The following NAA15 variants were observed in gnomAD, a reference collection of about 807,000 sequenced individuals.
NAA15 encodes the protein N-terminal acetyltransferase.
A neutral mutation model predicts 114.0 loss-of-function variants in NAA15; 34 were observed. The ratio of observed to expected loss-of-function variants is 0.30; its 90% CI spans 0.23 to 0.40. The LOEUF (loss-of-function observed/expected upper bound fraction) is 0.40. NAA15 is among the 10% of genes least tolerant of loss of function. NAA15 has a pLI of 1.00. For synonymous variants in NAA15, 340 were observed against 338.0 expected, an observed-to-expected ratio of 1.01 and a Z score of -0.06; for missense variants, 658 against 1,004.5, an observed-to-expected ratio of 0.66 and a Z score of 4.66.
chr4:139,341,593 CAAAAAAAAA>C (rs751688160), intron 4 of NAA15, among the ~76,000 whole-genome samples: 5 of 14,434 alleles, frequency 3.5e-4, no homozygotes, highest in East Asian at 2.4e-3. Flanking sequence ...AACTCTGTCT[CAAAAAAAAA>C]AAAAAAAAAA....
At chr4:139,304,547 C>G (rs1745943138) in intron 1 of NAA15, among the ~76,000 whole-genome samples, 1 of 152,168 alleles carries the variant, frequency 6.6e-6, no homozygotes, top group South Asian at 2.1e-4. Flanking sequence ...TGCATATAAC[C>G]TATGCGAATG....
At chr4:139,338,011 G>A (rs981743114) in intron 3 of NAA15, among the ~76,000 whole-genome samples, 1 of 152,168 alleles carries the variant, frequency 6.6e-6, no homozygotes, top group Admixed American at 6.5e-5. Flanking sequence ...ATTGTATAGT[G>A]TTCTGCCAAT....
chr4:139,387,103 A>C (rs184859158), intron 19 of NAA15, among the ~76,000 whole-genome samples: 1 of 152,346 alleles, frequency 6.6e-6, no homozygotes, highest in African/African-American at 2.4e-5. Flanking sequence ...CATTTAGATT[A>C]GAACCTGGAT....
chr4:139,374,923 A>G (rs1476218420), intron 15 of NAA15, among the ~76,000 whole-genome samples: 1 of 152,186 alleles, frequency 6.6e-6, no homozygotes, highest in Non-Finnish European at 1.5e-5. Context: ...CTAAATATAA[A>G]TACTTGTATT....
At chr4:139,321,456 G>C (rs1482505979) in intron 1 of NAA15, among the ~76,000 whole-genome samples, 1 of 149,154 alleles carries the variant, frequency 6.7e-6, no homozygotes, top group South Asian at 2.1e-4. Flanking sequence ...GAGCCACAGT[G>C]CCTGGCCCTT....
Position 139,344,261 on chromosome 4 carries a change from C to T in NAA15, c.613C>T (p.Leu205Phe), listed in dbSNP as rs200018547. Residue 205 changes from leucine to phenylalanine, a missense_variant, in exon 6 of 20, where the codon CTC becomes TTC. By Grantham distance (22) the Leu-to-Phe change is conservative. Transcript: ENST00000296543. ...GAATCAAGTTCTTCGGGAAGCAGGT[C>T]TCTATAGAGAAGCTTTGGAACATCT... Reference protein sequence around the residue: ...YQNQVLREAGLYREALEHLCT... With the variant: ...YQNQVLREAGFYREALEHLCT... The T allele has an allele frequency of 1.1e-4, 170 of 1,612,974 alleles. No homozygotes were observed. In the African/African-American group the frequency reaches 2.1e-3, roughly 19 times the overall value.
intron 14 of NAA15, 143 bp downstream of exon 14, chr4:139,362,080 A>C (rs1560974719): frequency 4.1e-6 from 2 of 486,832 alleles, no homozygotes. Context: ...AACAAAAGAA[A>C]AATGTTTACT....
chr4:139,351,604 A>G lies in NAA15; in HGVS notation c.1007A>G (p.Lys336Arg). The G allele has an allele frequency of 6.6e-7, 1 of 1,505,966 alleles. No homozygotes were observed. The highest frequency in any genetic ancestry group is 9.2e-7 in the Non-Finnish European group (1 of 1,084,578). 93.3% of individuals were successfully genotyped at this position (1,505,966 alleles called of 1,614,324 possible). The change falls in exon 9 of 20, where the codon AAA (lysine) becomes AGA (arginine). Residue 336 changes from lysine to arginine, a missense_variant. Lys to Arg is a conservative substitution (Grantham distance 26). Coordinates refer to ENST00000296543, the MANE Select transcript of NAA15 (RefSeq NM_057175.5). ...ACTTTAAGATCATTATACAAAGACA[A>G]AGAAAAGGTAAAGTGAAATATGATA... The part of the protein sequence containing the change: ...FNTLRSLYKD[K>R]EKVAIIEELV...
intron 8 of NAA15, 102 bp from the exon 9 acceptor site, chr4:139,351,403 A>G (rs762787385): frequency 2.9e-6 from 3 of 1,028,268 alleles, no homozygotes; most frequent in Middle Eastern, 2.2e-4. Flanking sequence ...AGAGTTGTCT[A>G]ACAACTCTGC....
At chr4:139,340,804 T>C in intron 3 of NAA15, 108 bp from the exon 4 acceptor site, 1 of 829,510 alleles carries the variant, frequency 1.2e-6, no homozygotes, top group Admixed American at 3.4e-5. Flanking sequence ...TCCCCTTCTT[T>C]TTAAGCTTGT....
Position 139,336,032 on chromosome 4 carries a change from T to G in NAA15, c.140-816T>G, listed in dbSNP as rs1369743367. On this transcript the variant is annotated intron_variant, in intron 2 of 19. Transcript: ENST00000296543. ...CCTTGGCCTCCTGAAGTCTTGAGAT[T>G]ACAGGTGTGAGGCACTGTGCCTGGC... 2.0e-5 allele frequency among the ~76,000 whole-genome samples: 3 copies of G among 152,192 alleles called. No homozygotes were observed. The East Asian group carries it at 5.8e-4, about 29-fold the overall frequency.
At chr4:139,382,965 CAAAATA>C (rs1748794253) in intron 17 of NAA15, among the ~76,000 whole-genome samples, 1 of 151,998 alleles carries the variant, frequency 6.6e-6, no homozygotes, top group Non-Finnish European at 1.5e-5. Context: ...CTCAAAAACC[CAAAATA>C]AAAATAGAAT....
chr4:139,322,817 G>A (rs954473883), intron 1 of NAA15, among the ~76,000 whole-genome samples: 9 of 151,946 alleles, frequency 5.9e-5, no homozygotes, highest in South Asian at 2.1e-4. Flanking sequence ...TTAGCCTCCC[G>A]AGTAGCTGGG....
Position 139,315,012 on chromosome 4 carries a change from TTAGGTTAGGTTAGGTTAGGTTAGGTTAGG to T in NAA15, c.54+13183_54+13211del, listed in dbSNP as rs1560952822. On this transcript the variant is annotated intron_variant, in intron 1 of 19. Coordinates refer to ENST00000296543, the MANE Select transcript of NAA15 (RefSeq NM_057175.5). ...TCAGTTCAGTTCAGTTTAGTTTAGG[TTAGGTTAGGTTAGGTTAGGTTAGGTTAGG>T]TTAGGTTAGGTTAGTTTAGTTTAGT... Among the ~76,000 whole-genome samples the T allele has an allele frequency of 4.1e-4, 43 of 106,128 alleles. 2 individuals carry two copies. The highest frequency in any genetic ancestry group is 1.3e-3 in the East Asian group (5 of 3,890). 69.6% of individuals were successfully genotyped at this position (106,128 alleles called of 152,430 possible). A position where few individuals can be genotyped will look rare whatever the true frequency, so the allele number is the denominator to read the frequency against.
intron 14 of NAA15, among the ~76,000 whole-genome samples, chr4:139,367,235 A>C (rs1748309149): frequency 6.6e-6 from 1 of 152,210 alleles, no homozygotes; most frequent in African/African-American, 2.4e-5. Context: ...CCTCAAGTCC[A>C]GTGGGGCATG....
intron 7 of NAA15, among the ~76,000 whole-genome samples, chr4:139,349,995 A>G (rs1014973002): frequency 5.3e-5 from 8 of 152,038 alleles, no homozygotes; most frequent in Non-Finnish European, 1.2e-4. Context: ...CAAAAAAAAA[A>G]ATCTGAATAC....
At chr4:139,374,440 C>T (rs1476990947) in intron 15 of NAA15, among the ~76,000 whole-genome samples, 1 of 152,118 alleles carries the variant, frequency 6.6e-6, no homozygotes, top group Non-Finnish European at 1.5e-5. Flanking sequence ...CTGTCACAGT[C>T]CATTTCAGTT....
At chr4:139,316,566 G>A (rs1746417078) in intron 1 of NAA15, among the ~76,000 whole-genome samples, 1 of 151,778 alleles carries the variant, frequency 6.6e-6, no homozygotes, top group Non-Finnish European at 1.5e-5. Context: ...CGATGGATAT[G>A]GTGATATTAC....
chr4:139,348,099 A>T (rs1045262639), intron 6 of NAA15, among the ~76,000 whole-genome samples: 4 of 152,094 alleles, frequency 2.6e-5, no homozygotes. Context: ...TGATGAAAGT[A>T]ATAGTAATCT....
Sources: gnomAD v4.1 joint callset for allele counts (sites outside exome capture counted in the v4.1 genomes callset) on GRCh38, gnomAD v4.1.1 for gene constraint, MANE v1.5 for transcripts, NCBI Gene and HGNC (gene_info 2026-07-23, HGNC 2026-07-21) for gene names.